Variants in HADHA observed in about 807,000 individuals in gnomAD.
HADHA encodes hydroxyacyl-CoA dehydrogenase trifunctional multienzyme complex subunit alpha, also known as trifunctional enzyme subunit alpha, mitochondrial.
Under a neutral mutation model 91.3 loss-of-function variants are expected in HADHA, and 59 were observed. The ratio of observed to expected loss-of-function variants is 0.65; its 90% confidence interval spans 0.52 to 0.80. HADHA has a LOEUF of 0.80. Ranked by LOEUF, HADHA falls within the 30% of genes least tolerant of loss-of-function variation. HADHA has a pLI of 0.00. For missense variants in HADHA, 800 were observed against 927.6 expected (o/e 0.86, Z 1.79); for synonymous variants, 320 against 338.9 (o/e 0.94, Z 0.61).
chr2:26,193,715 C>A lies in HADHA; in HGVS notation c.1747G>T (p.Gly583Cys). 1 of 1,614,130 alleles carries A rather than the reference C, an allele frequency of 6.2e-7. No homozygotes were observed. The highest frequency in any genetic ancestry group is 8.5e-7 in the Non-Finnish European group (1 of 1,179,992). Residue 583 changes from glycine to cysteine, a missense_variant, in exon 17 of 20, where the codon GGT becomes TGT. By Grantham distance (159) the Gly-to-Cys change is radical. Coordinates refer to ENST00000380649, the MANE Select transcript of HADHA (RefSeq NM_000182.5). The stretch of plus-strand genomic sequence containing the variant: ...ACTTCATCCACCAGTGTGGCGGCAC[C>A]CACAGGAAAGCCAAAGCTTGTGGTC... The part of the protein sequence containing the change: ...SLTTSFGFPV[G>C]AATLVDEVGV...
rs1251871992 is a variant in HADHA, at chr2:26,191,618, C to T, written c.2011G>A (p.Glu671Lys). Residue 671 changes from glutamate to lysine, a missense_variant, in exon 19 of 20, where the codon GAA becomes AAA. Coordinates refer to ENST00000380649, the MANE Select transcript of HADHA (RefSeq NM_000182.5). The stretch of plus-strand genomic sequence containing the variant: ...GTCACCAGGCGGAACTGGATGTCTT[C>T]GTCTGATGAGCTGCCAACAGAAAGA... Reference protein sequence around the residue: ...LPPKSEVSSDEDIQFRLVTRF... With the variant: ...LPPKSEVSSDKDIQFRLVTRF... 38 of 1,614,076 alleles carry T rather than the reference C, an allele frequency of 2.4e-5. No homozygotes were observed. The highest frequency in any genetic ancestry group is 3.3e-5 in the Admixed American group (2 of 60,018).
intron 7 of HADHA, among the ~76,000 whole-genome samples, chr2:26,223,614 C>T (rs1356950812): frequency 1.3e-5 from 2 of 152,226 alleles, no homozygotes; most frequent in African/African-American, 2.4e-5. Flanking sequence ...GCTGGCTAAG[C>T]TCTTACACAA....
At chr2:26,203,928 C>T in intron 12 of HADHA, 134 bp downstream of exon 12, 1 of 882,200 alleles carries the variant, frequency 1.1e-6, no homozygotes, top group Non-Finnish European at 1.9e-6. Context: ...ATCTAGAACT[C>T]ATTATGTTCA....
chr2:26,239,533 A>G (rs148800095), intron 1 of HADHA, among the ~76,000 whole-genome samples: 1 of 152,302 alleles, frequency 6.6e-6, no homozygotes, highest in Non-Finnish European at 1.5e-5. Context: ...ATAGCAATGT[A>G]AGAGGCACAT....
intron 4 of HADHA, chr2:26,235,112 C>G (rs530134108): frequency 6.6e-6 from 1 of 152,316 alleles, no homozygotes; most frequent in South Asian, 2.1e-4. Flanking sequence ...AGTTCGAGAC[C>G]AGGCTGGTCA....
chr2:26,198,661 T>A (rs55815639), intron 13 of HADHA, among the ~76,000 whole-genome samples: 1 of 148,728 alleles, frequency 6.7e-6, no homozygotes. Context: ...CCTTAAGATT[T>A]AAAAAAAAAA....
chr2:26,191,417 C>G lies in HADHA; in HGVS notation c.2147-22G>C, dbSNP rs181778579. On this transcript the variant is annotated intron_variant, in intron 19 of 19. Transcript: ENST00000380649. ...GGCCCTGAATAGAGAAAGAGGACTTCGTTGAAGGAGACGCAACACGGGCTC... is the reference window on the plus strand; with the variant it reads ...GGCCCTGAATAGAGAAAGAGGACTTGGTTGAAGGAGACGCAACACGGGCTC... 11 of 1,614,030 alleles carry G rather than the reference C, an allele frequency of 6.8e-6. No homozygotes were observed. The East Asian group carries it at 1.1e-4, about 16-fold the overall frequency.
At position 26,193,806 on chromosome 2, in the gene HADHA, AG is replaced by A. The variant is rs762714379; in HGVS notation, c.1690-35del. ...GAAGCGATGCAGGGACCTCAGGGGA[AG>A]GGCAGCCCAAATCCCCCCAAAGGGC... On this transcript the variant is annotated intron_variant, in intron 16 of 19. Transcript: ENST00000380649. 7.6e-4 allele frequency: 1,185 copies of A among 1,567,786 alleles called. 3 individuals are homozygous for A. The highest frequency in any genetic ancestry group is 8.0e-4 in the Non-Finnish European group (906 of 1,137,836).
At chr2:26,196,295 A>G (rs2147754815) in intron 14 of HADHA, among the ~76,000 whole-genome samples, 1 of 152,344 alleles carries the variant, frequency 6.6e-6, no homozygotes, top group East Asian at 1.9e-4. Context: ...TATCAATCCA[A>G]AAGTTGTTTC....
intron 3 of HADHA, among the ~76,000 whole-genome samples, chr2:26,238,160 A>C (rs912904777): frequency 6.6e-6 from 1 of 152,058 alleles, no homozygotes; most frequent in Admixed American, 6.6e-5. Context: ...GGTGAACATC[A>C]CCATACCCAA....
rs1277803833 is a variant in HADHA at position 26,190,935 on chromosome 2, CT to C, written c.*314del. ...GGGTGCAGAACTGCCCTCACCACCC[CT>C]GGCCACCCTGGCCTCTTGGGAGGAA... On this transcript the variant is annotated 3_prime_UTR_variant, in exon 20 of 20. Coordinates refer to ENST00000380649, the MANE Select transcript of HADHA (RefSeq NM_000182.5). 6 of 497,078 alleles carry C rather than the reference CT, an allele frequency of 1.2e-5. No individual in the cohort carries two copies. Among genetic ancestry groups the C allele is most frequent in the Admixed American group, 6.5e-5 (2 of 30,612 alleles). The allele number at this position is 497,078 out of a possible 1,614,324, so 30.8% of individuals were successfully genotyped here.
chr2:26,214,932 G>T lies in HADHA; in HGVS notation c.799+121C>A. 1.0e-6 allele frequency: 1 copy of T among 976,228 alleles called. No individual in the cohort carries two copies. Among genetic ancestry groups the T allele is most frequent in the Non-Finnish European group, 1.6e-6 (1 of 608,180 alleles). The allele number at this position is 976,228 out of a possible 1,614,324, so 60.5% of individuals were successfully genotyped here. ...AGGAGTTGTTACATCTCCTACCTAAGGCTGACTTTATGCTTTGAGTAAATA... is the reference window on the plus strand; with the variant it reads ...AGGAGTTGTTACATCTCCTACCTAATGCTGACTTTATGCTTTGAGTAAATA... On this transcript the variant is annotated intron_variant, in intron 8 of 19. Transcript: ENST00000380649. This position sits in a 1 kb window ranked among gnomAD's most constrained non-coding sequence, Gnocchi z 4.1.
rs1483582925 is a variant in HADHA, at chr2:26,236,884, T to A, written c.285A>T (p.Pro95=). Residue 95 remains proline (P), a synonymous_variant, in exon 4 of 20, where the codon CCA becomes CCT. Transcript: ENST00000380649. ...IRSAVLISSK[P]GCFIAGADIN... ...TATCAGCACCTGCAATAAAGCAGCC[T>A]GGCTTTGATGAGATAAGGACGGCAC... is the stretch of plus-strand genomic sequence containing the variant. The A allele has an allele frequency of 5.0e-6, 8 of 1,612,262 alleles. No individual in the cohort carries two copies. The highest frequency in any genetic ancestry group is 3.6e-4 in the Middle Eastern group (2 of 5,542).
chr2:26,201,111 A>T, intron 13 of HADHA, 38 bp downstream of exon 13: 1 of 1,489,984 alleles, frequency 6.7e-7, no homozygotes. Context: ...TTTTCTGTTC[A>T]CTACACTAGG....
intron 19 of HADHA, 30 bp from the exon 20 acceptor site, chr2:26,191,425 G>A: frequency 6.2e-7 from 1 of 1,614,188 alleles, no homozygotes; most frequent in Non-Finnish European, 8.5e-7. Flanking sequence ...TTCGTTGAAG[G>A]AGACGCAACA....
chr2:26,196,747 A>AT (rs1669684579), intron 14 of HADHA, among the ~76,000 whole-genome samples: 1 of 152,236 alleles, frequency 6.6e-6, no homozygotes, highest in South Asian at 2.1e-4. Flanking sequence ...CTCTGCTCCG[A>AT]TGGCGGGGAG....
rs764937403 is a variant in HADHA at position 26,209,761 on chromosome 2, T to G, written c.1085+19A>C. On this transcript the variant is annotated intron_variant, in intron 11 of 19. Coordinates refer to ENST00000380649, the MANE Select transcript of HADHA (RefSeq NM_000182.5). ...CACAGTAAAATTCACAAGGGCTTCC[T>G]ACGTAGAGTTTAACTTACTTAACAT... 8.5e-7 allele frequency: 1 copy of G among 1,173,794 alleles called. No homozygotes were observed. Among genetic ancestry groups the G allele is most frequent in the Middle Eastern group, 2.0e-4 (1 of 4,984 alleles). 72.7% of individuals were successfully genotyped at this position (1,173,794 alleles called of 1,614,324 possible). A position where few individuals can be genotyped will look rare whatever the true frequency, so the allele number is the denominator to read the frequency against.
At chr2:26,207,235 A>T (rs1371730998) in intron 11 of HADHA, among the ~76,000 whole-genome samples, 1 of 152,128 alleles carries the variant, frequency 6.6e-6, no homozygotes, top group Non-Finnish European at 1.5e-5. Context: ...TAACAAAAAA[A>T]ATCCCATAAA....
chr2:26,203,746 C>T (rs908468396), intron 12 of HADHA, among the ~76,000 whole-genome samples: 9 of 152,094 alleles, frequency 5.9e-5, no homozygotes, highest in East Asian at 1.9e-4. Flanking sequence ...AGGCCTGATA[C>T]GAAAGTGTAA....
Sources: gnomAD v4.1 joint callset for allele counts (sites outside exome capture counted in the v4.1 genomes callset) on GRCh38, gnomAD v4.1.1 for gene constraint, Gnocchi (gnomAD v3.1) non-coding constraint, MANE v1.5 for transcripts, NCBI Gene and HGNC (gene_info 2026-07-23, HGNC 2026-07-21) for gene names.